Variants in ADPGK observed in about 807,000 individuals in gnomAD.
The protein encoded by ADPGK is ADP dependent glucokinase.
ADPGK carries 26 observed loss-of-function variants against 42.4 expected under a neutral mutation model. The observed-to-expected ratio is 0.61, with a 90% CI of 0.45 to 0.85. The LOEUF (loss-of-function observed/expected upper bound fraction) is 0.85, where lower values mean the gene tolerates loss of function less well. Ranked by LOEUF, ADPGK falls within the 40% of genes least tolerant of loss-of-function variation. The pLI is 0.00. For synonymous variants in ADPGK, 267 were observed against 252.6 expected, an observed-to-expected ratio of 1.06 and a Z score of -0.54; for missense variants, 571 against 627.0, an observed-to-expected ratio of 0.91 and a Z score of 0.95.
In ADPGK at chr15:72,775,139, C is replaced by T. The variant is rs1462714422; in HGVS notation, c.234-42G>A. ...AACTGTGTGAAAGCAGCAGAAGCAC[C>T]AAGTAGCCATTTTGCATTTAACAAA... On this transcript the variant is annotated intron_variant, in intron 1 of 6. Transcript: ENST00000456471. 4.6e-6 allele frequency: 7 copies of T among 1,532,412 alleles called. No homozygotes were observed. In the Admixed American group the frequency reaches 1.2e-4, roughly 26 times the overall value. 94.9% of individuals were successfully genotyped at this position (1,532,412 alleles called of 1,614,324 possible). A position where few individuals can be genotyped will look rare whatever the true frequency, so the allele number is the denominator to read the frequency against.
At chr15:72,762,580 G>A (rs929876169) in intron 3 of ADPGK, among the ~76,000 whole-genome samples, 1 of 152,154 alleles carries the variant, frequency 6.6e-6, no homozygotes, top group African/African-American at 2.4e-5. Flanking sequence ...AGGGCCATAG[G>A]CCATATTTAC....
intron 3 of ADPGK, among the ~76,000 whole-genome samples, chr15:72,771,130 T>C (rs1014511700): frequency 6.6e-6 from 1 of 152,244 alleles, no homozygotes; most frequent in Non-Finnish European, 1.5e-5. Flanking sequence ...ATAACTTTCT[T>C]GTTGGCCTCC....
At chr15:72,770,738 A>G (rs1390513729) in intron 3 of ADPGK, among the ~76,000 whole-genome samples, 3 of 152,228 alleles carry the variant, frequency 2.0e-5, no homozygotes, top group Non-Finnish European at 2.9e-5. Context: ...TCCTATTAAA[A>G]TATGAATGTT....
intron 3 of ADPGK, among the ~76,000 whole-genome samples, chr15:72,771,077 G>A (rs759847697): frequency 6.6e-6 from 1 of 152,052 alleles, no homozygotes; most frequent in Non-Finnish European, 1.5e-5. Flanking sequence ...CTCCTCTCTG[G>A]CTGCTCTAAT....
intron 6 of ADPGK, among the ~76,000 whole-genome samples, chr15:72,753,983 G>C (rs2066079524): frequency 6.6e-6 from 1 of 151,962 alleles, no homozygotes; most frequent in Admixed American, 6.6e-5. Flanking sequence ...CAGGCTGCTG[G>C]TAGTTGGGGA....
At chr15:72,773,226 G>A (rs1205597677) in intron 2 of ADPGK, among the ~76,000 whole-genome samples, 1 of 152,182 alleles carries the variant, frequency 6.6e-6, no homozygotes, top group East Asian at 1.9e-4. Flanking sequence ...GGACAAGGTT[G>A]GAGTAAACAA....
chr15:72,774,695 T>A (rs145383427), intron 2 of ADPGK, among the ~76,000 whole-genome samples, 177 bp downstream of exon 2: 1 of 152,156 alleles, frequency 6.6e-6, no homozygotes, highest in Non-Finnish European at 1.5e-5. Context: ...CTCCAAATGA[T>A]TCTGACACAT....
At chr15:72,759,368 C>A (rs1161238645) in intron 4 of ADPGK, among the ~76,000 whole-genome samples, 2 of 152,176 alleles carry the variant, frequency 1.3e-5, no homozygotes, top group Non-Finnish European at 2.9e-5. Flanking sequence ...CTGAGAAACT[C>A]AAAAACTTGT....
At chr15:72,754,967 C>G (rs2066093200) in intron 6 of ADPGK, among the ~76,000 whole-genome samples, 1 of 152,196 alleles carries the variant, frequency 6.6e-6, no homozygotes, top group South Asian at 2.1e-4. Context: ...CATTGTATAT[C>G]TTTTCATAGT....
At chr15:72,753,188 T>C (rs560187982) in intron 6 of ADPGK, among the ~76,000 whole-genome samples, 2 of 152,366 alleles carry the variant, frequency 1.3e-5, no homozygotes, top group South Asian at 2.1e-4. Flanking sequence ...TTTCTTTCCA[T>C]GGTCCCTAGC....
Position 72,769,537 on chromosome 15 carries a change from G to A in ADPGK, c.522+2246C>T, listed in dbSNP as rs1231407594. On this transcript the variant is annotated intron_variant, in intron 3 of 6. Transcript: ENST00000456471. ...ATTCTTTGTATTTTTAGCTAAGACA[G>A]GGTTTCACCATGTTGGCCAGGCTGG... Among the ~76,000 whole-genome samples, 4 of 152,282 alleles carry A rather than the reference G, an allele frequency of 2.6e-5. No individual in the cohort carries two copies. The South Asian group carries it at 8.3e-4, about 32-fold the overall frequency.
chr15:72,760,319 A>C, intron 4 of ADPGK, 88 bp downstream of exon 4: 2 of 1,416,046 alleles, frequency 1.4e-6, no homozygotes, highest in Non-Finnish European at 1.9e-6. Context: ...TAATTTACAA[A>C]GATAAATTTC....
In ADPGK at chr15:72,760,413, G is replaced by T. The variant is rs746818404; in HGVS notation, c.637C>A (p.Gln213Lys). Residue 213 changes from glutamine (Q) to lysine (K), a missense_variant, in exon 4 of 7, where the codon CAA becomes AAA. Gln to Lys is a moderately conservative substitution (Grantham distance 53). Around this residue, in one of 2 missense-constraint regions of ADPGK, gnomAD observed 434 missense variants for 522.7 expected, o/e 0.83. Coordinates refer to ENST00000456471, the MANE Select transcript of ADPGK (RefSeq NM_001365225.1). Reference sequence around the variant, plus strand: ...TACTTACTCATTTCCTTACCTGCTTGATACTCTAAAATGAGGTGGAACTCA... The same window carrying T: ...TACTTACTCATTTCCTTACCTGCTTTATACTCTAAAATGAGGTGGAACTCA... ...VDEFHLILEY[Q>K]AGEEWGQLKA... is the part of the protein sequence containing the mutation. 32 of 1,599,692 alleles carry T rather than the reference G, an allele frequency of 2.0e-5. No individual in the cohort carries two copies. Among genetic ancestry groups the T allele is most frequent in the Non-Finnish European group, 8.5e-7 (1 of 1,169,604 alleles).
Position 72,759,453 on chromosome 15 carries a change from A to G in ADPGK, c.643+954T>C, listed in dbSNP as rs1050337467. 3.9e-5 allele frequency among the ~76,000 whole-genome samples: 6 copies of G among 152,220 alleles called. No individual in the cohort carries two copies. The East Asian group carries it at 1.2e-3, about 29-fold the overall frequency. On this transcript the variant is annotated intron_variant, in intron 4 of 6. Coordinates refer to ENST00000456471, the MANE Select transcript of ADPGK (RefSeq NM_001365225.1). ...AGACCCTATCCTTCTTTAATTCCCA[A>G]CTGATTCTAGTAAGCACCCGAAAGA...
At chr15:72,753,029 C>A in intron 6 of ADPGK, 134 bp from the exon 7 acceptor site, 5 of 839,162 alleles carry the variant, frequency 6.0e-6, no homozygotes, top group Non-Finnish European at 9.2e-6. Context: ...ACTCCCTGGC[C>A]CTGAAGTCAC....
intron 1 of ADPGK, among the ~76,000 whole-genome samples, chr15:72,782,291 C>A (rs770022947): frequency 3.9e-5 from 6 of 151,998 alleles, no homozygotes; most frequent in African/African-American, 1.5e-4. Context: ...AGATGGGAGG[C>A]TGGCTTGAGC....
At chr15:72,773,599 T>A (rs564364210) in intron 2 of ADPGK, among the ~76,000 whole-genome samples, 5 of 152,240 alleles carry the variant, frequency 3.3e-5, no homozygotes, top group South Asian at 2.1e-4. Flanking sequence ...GCTGTAAAAA[T>A]TTTTTTCATC....
At position 72,771,758 on chromosome 15, in the gene ADPGK, G is replaced by C; in HGVS notation, c.522+25C>G. 5 of 1,597,458 alleles carry C rather than the reference G, an allele frequency of 3.1e-6. 1 individual carries two copies. The South Asian group carries it at 5.6e-5, about 18-fold the overall frequency. On this transcript the variant is annotated intron_variant, in intron 3 of 6. Coordinates refer to ENST00000456471, the MANE Select transcript of ADPGK (RefSeq NM_001365225.1). Reference sequence around the variant, plus strand: ...ATTGAAACACTAGGGAAAGGCATAGGTTTTAATCTAAAAACTTGACCTACC... The same window carrying C: ...ATTGAAACACTAGGGAAAGGCATAGCTTTTAATCTAAAAACTTGACCTACC...
At chr15:72,767,895 T>G (rs918887378) in intron 3 of ADPGK, among the ~76,000 whole-genome samples, 2 of 152,028 alleles carry the variant, frequency 1.3e-5, no homozygotes, top group African/African-American at 2.4e-5. Flanking sequence ...CTTCTCACCT[T>G]AAGAAACTAG....
Sources: allele counts gnomAD v4.1 joint callset (sites outside exome capture counted in the v4.1 genomes callset), GRCh38; gene constraint gnomAD v4.1.1; regional missense constraint gnomAD v4.1.1; transcripts MANE v1.5; gene names NCBI Gene and HGNC (gene_info 2026-07-23, HGNC 2026-07-21).